The following RAB2A variants were observed in gnomAD, a reference collection of about 807,000 sequenced individuals.
RAB2A encodes ras-related protein Rab-2A.
In RAB2A, 7 loss-of-function variants were observed where a neutral mutation model predicts 32.5. The observed-to-expected ratio is 0.22, with a 90% CI of 0.12 to 0.40. RAB2A has a LOEUF of 0.40. Ranked by LOEUF, RAB2A falls within the 10% of genes least tolerant of loss-of-function variation. The pLI, the probability that RAB2A is intolerant of heterozygous loss-of-function variation, is 1.00. For synonymous variants in RAB2A, 79 were observed against 85.2 expected (o/e 0.93, Z 0.40); for missense variants, 108 against 260.7 (o/e 0.41, Z 4.03).
intron 3 of RAB2A, among the ~76,000 whole-genome samples, chr8:60,577,877 C>T (rs1390658046): frequency 6.7e-6 from 1 of 149,834 alleles, no homozygotes. Context: ...CTCCTGACCT[C>T]GTGATCCACC....
chr8:60,537,503 G>A (rs995612889), intron 1 of RAB2A, among the ~76,000 whole-genome samples: 5 of 152,080 alleles, frequency 3.3e-5, no homozygotes, highest in Non-Finnish European at 5.9e-5. Context: ...GATTACAGGC[G>A]TGAGCCACCA....
At chr8:60,522,071 T>C (rs2130804255) in intron 1 of RAB2A, among the ~76,000 whole-genome samples, 1 of 152,280 alleles carries the variant, frequency 6.6e-6, no homozygotes, top group Non-Finnish European at 1.5e-5. Flanking sequence ...TTGGATGTAA[T>C]GGTGGGAAAT....
chr8:60,555,382 G>T (rs557965246), intron 1 of RAB2A, among the ~76,000 whole-genome samples: 2 of 152,190 alleles, frequency 1.3e-5, no homozygotes, highest in South Asian at 4.2e-4. Context: ...AGACAAATGG[G>T]ATTATATCAA....
At chr8:60,544,909 G>A (rs545471374) in intron 1 of RAB2A, among the ~76,000 whole-genome samples, 1 of 151,730 alleles carries the variant, frequency 6.6e-6, no homozygotes, top group Non-Finnish European at 1.5e-5. Context: ...AAAATGGCTA[G>A]TTTTTTTGTA....
At chr8:60,554,521 C>T (rs539595596) in intron 1 of RAB2A, among the ~76,000 whole-genome samples, 4 of 152,206 alleles carry the variant, frequency 2.6e-5, no homozygotes, top group African/African-American at 7.2e-5. Flanking sequence ...AGAATGAATT[C>T]GGTTCCGTAA....
intron 2 of RAB2A, among the ~76,000 whole-genome samples, chr8:60,561,274 T>C (rs185536952): frequency 1.6e-4 from 25 of 152,394 alleles, no homozygotes; most frequent in Non-Finnish European, 2.9e-4. Context: ...GTGTAGTTTC[T>C]GTTTTTCTGG....
intron 3 of RAB2A, among the ~76,000 whole-genome samples, chr8:60,579,031 G>GTTGTT (rs796707655): frequency 6.6e-6 from 1 of 151,936 alleles, no homozygotes; most frequent in East Asian, 1.9e-4. Context: ...ATGTTTTTTT[G>GTTGTT]TTGTTTTGTT....
At chr8:60,618,530 T>C (rs1804484552) in intron 6 of RAB2A, 50 bp from the exon 7 acceptor site, 3 of 954,912 alleles carry the variant, frequency 3.1e-6, no homozygotes, top group Middle Eastern at 4.9e-4. Context: ...TATAATGTTA[T>C]TTTACTGCTT....
At position 60,517,014 on chromosome 8, in the gene RAB2A, T is replaced by A. The variant is rs929628624; in HGVS notation, c.-194T>A. 4.0e-6 allele frequency: 2 copies of A among 497,032 alleles called. No individual in the cohort carries two copies. The highest frequency in any genetic ancestry group is 7.1e-6 in the Non-Finnish European group (2 of 283,240). 30.8% of individuals were successfully genotyped at this position (497,032 alleles called of 1,614,324 possible). ...TGTTCGGCTGGGCTCGGTCGGGCGC[T>A]GTCTCCCTCGGCTCTGCGGGTGTCA... On this transcript the variant is annotated 5_prime_UTR_variant, in exon 1 of 8. Coordinates refer to ENST00000262646, the MANE Select transcript of RAB2A (RefSeq NM_002865.3).
intron 1 of RAB2A, 102 bp from the exon 2 acceptor site, chr8:60,558,750 C>T: frequency 1.1e-6 from 1 of 901,356 alleles, no homozygotes; most frequent in Non-Finnish European, 1.8e-6. Flanking sequence ...AGATTATTCA[C>T]AGTGCACCAG....
At chr8:60,589,480 TAGTCAGAGCA>T (rs1803900766) in intron 5 of RAB2A, among the ~76,000 whole-genome samples, 3 of 152,324 alleles carry the variant, frequency 2.0e-5, no homozygotes, top group Admixed American at 2.0e-4. Context: ...GGCAGTGACC[TAGTCAGAGCA>T]ACAGATGACA....
intron 6 of RAB2A, among the ~76,000 whole-genome samples, chr8:60,597,417 G>C (rs1398416625): frequency 6.6e-6 from 1 of 152,096 alleles, no homozygotes; most frequent in Non-Finnish European, 1.5e-5. Flanking sequence ...CACAGGGCGG[G>C]TAACATCACA....
At chr8:60,557,764 G>A (rs1807961326) in intron 1 of RAB2A, among the ~76,000 whole-genome samples, 1 of 151,032 alleles carries the variant, frequency 6.6e-6, no homozygotes. Context: ...TTAAAAGACT[G>A]TCTCCCTATG....
chr8:60,572,592 T>C (rs1269469398), intron 3 of RAB2A, among the ~76,000 whole-genome samples: 1 of 152,208 alleles, frequency 6.6e-6, no homozygotes, highest in Non-Finnish European at 1.5e-5. Flanking sequence ...TTGTTTTTAA[T>C]GGTGATTCCT....
chr8:60,607,029 T>C (rs1804243564), intron 6 of RAB2A, among the ~76,000 whole-genome samples: 1 of 152,092 alleles, frequency 6.6e-6, no homozygotes, highest in Non-Finnish European at 1.5e-5. Flanking sequence ...CTATTATATG[T>C]TGTGGTGGGT....
intron 1 of RAB2A, among the ~76,000 whole-genome samples, chr8:60,520,389 A>G (rs1807283065): frequency 6.6e-6 from 1 of 152,232 alleles, no homozygotes; most frequent in African/African-American, 2.4e-5. Context: ...TTTAATAAGC[A>G]GTTAATTATC....
chr8:60,526,056 T>TATAAA (rs1372267520), intron 1 of RAB2A, among the ~76,000 whole-genome samples: 1 of 125,540 alleles, frequency 8.0e-6, no homozygotes, highest in Non-Finnish European at 1.7e-5. Context: ...TATATATATA[T>TATAAA]AAGTTTTCTG....
At chr8:60,594,916 A>G (rs1450681563) in intron 6 of RAB2A, among the ~76,000 whole-genome samples, 6 of 152,236 alleles carry the variant, frequency 3.9e-5, no homozygotes, top group Admixed American at 3.3e-4. Flanking sequence ...AGTCTTTGCT[A>G]TTGTGAATAC....
At chr8:60,567,507 A>G (rs1285717094) in intron 2 of RAB2A, among the ~76,000 whole-genome samples, 1 of 152,148 alleles carries the variant, frequency 6.6e-6, no homozygotes, top group Admixed American at 6.5e-5. Context: ...GTTCTTCCAG[A>G]TGGAACTTTG....
Sources: gnomAD v4.1 joint callset for allele counts (sites outside exome capture counted in the v4.1 genomes callset) on GRCh38, gnomAD v4.1.1 for gene constraint, MANE v1.5 for transcripts, NCBI Gene and HGNC (gene_info 2026-07-23, HGNC 2026-07-21) for gene names.